TPCN1: variants seen among roughly 807,000 people sequenced by gnomAD.
TPCN1 encodes two pore channel protein 1.
In TPCN1, 52 loss-of-function variants were observed where a neutral mutation model predicts 108.8. That is an observed-to-expected ratio of 0.48 (90% CI 0.38 to 0.60). The LOEUF is 0.60. Among genes scored for constraint, TPCN1 ranks in the 20% least tolerant of loss-of-function variants. The pLI is 0.00. For synonymous variants in TPCN1, 446 were observed against 433.7 expected (o/e 1.03, Z -0.35); for missense variants, 806 against 1,072.8 (o/e 0.75, Z 3.47).
In TPCN1 at chr12:113,272,692, C is replaced by G. The variant is rs762037358; in HGVS notation, c.783C>G (p.Pro261=). 1.9e-6 allele frequency: 3 copies of G among 1,613,442 alleles called. No homozygotes were observed. The East Asian group carries it at 6.7e-5, about 36-fold the overall frequency. Residue 261 remains proline (P), a splice_region_variant and synonymous_variant, in exon 8 of 28, where the codon CCC becomes CCG. Coordinates refer to ENST00000335509, the MANE Select transcript of TPCN1 (RefSeq NM_017901.6). This position sits in a 1 kb window ranked among gnomAD's most constrained non-coding sequence, Gnocchi z 4.1. ...FYLFSPNPSD[P]YFSTLENSIV... ...TGTTCTCCCCTAACCCTTCAGACCC[C>G]GTAAGTAATCAGCACATTTGTCCGT...
In TPCN1 at chr12:113,284,242, G is replaced by C. The variant is rs572728354; in HGVS notation, c.1343-339G>C. Among the ~76,000 whole-genome samples, 1 of 152,278 alleles carries C rather than the reference G, an allele frequency of 6.6e-6. No homozygotes were observed. The highest frequency in any genetic ancestry group is 1.9e-4 in the East Asian group (1 of 5,184). Reference sequence around the variant, plus strand: ...ATTATTTTAAAATTAGAAGTCTCTAGGGGAAAACAAGTGTTTTCAATACTT... The same window carrying C: ...ATTATTTTAAAATTAGAAGTCTCTACGGGAAAACAAGTGTTTTCAATACTT... On this transcript the variant is annotated intron_variant, in intron 15 of 27. Transcript: ENST00000335509. This position sits in a 1 kb window ranked among gnomAD's most constrained non-coding sequence, Gnocchi z 4.1.
Position 113,273,500 on chromosome 12 carries a change from C to A in TPCN1, c.843-69C>A, listed in dbSNP as rs1955573116. 7.3e-7 allele frequency: 1 copy of A among 1,360,962 alleles called. No homozygotes were observed. Among genetic ancestry groups the A allele is most frequent in the Non-Finnish European group, 1.1e-6 (1 of 949,724 alleles). 84.3% of individuals were successfully genotyped at this position (1,360,962 alleles called of 1,614,324 possible). On this transcript the variant is annotated intron_variant, in intron 9 of 27. Transcript: ENST00000335509. This position sits in a 1 kb window ranked among gnomAD's most constrained non-coding sequence, Gnocchi z 4.0. ...AAGGCAGACAAGGAGCTGTCCTCTG[C>A]AAGGCATGTGCTCTGAGAGGATGGA...
rs1180537537 is a variant in TPCN1, at chr12:113,261,428, T to C, written c.237+936T>C. Among the ~76,000 whole-genome samples the C allele has an allele frequency of 4.8e-5, 7 of 144,338 alleles. No individual in the cohort carries two copies. In the East Asian group the frequency reaches 1.2e-3, roughly 24 times the overall value. 94.7% of individuals were successfully genotyped at this position (144,338 alleles called of 152,430 possible). On this transcript the variant is annotated intron_variant, in intron 3 of 27. Transcript: ENST00000335509. ...TAGCATAAGCTTTTTTTTTTTTTTT[T>C]TTTTTCTTTTTTTGGAGACAGTCTC...
intron 27 of TPCN1, among the ~76,000 whole-genome samples, chr12:113,295,364 G>C (rs761825881): frequency 6.7e-6 from 1 of 149,518 alleles, no homozygotes; most frequent in African/African-American, 2.5e-5. Context: ...GATCATTTGA[G>C]CCCAGGAGTG....
At chr12:113,245,980 G>A (rs771974195) in intron 2 of TPCN1, 11 of 456,114 alleles carry the variant, frequency 2.4e-5, no homozygotes, top group South Asian at 1.4e-4. Context: ...TTCCGATGTG[G>A]CGTGCAAAGC....
At chr12:113,252,187 T>C (rs908690015) in intron 2 of TPCN1, among the ~76,000 whole-genome samples, 5 of 152,170 alleles carry the variant, frequency 3.3e-5, no homozygotes, top group African/African-American at 7.2e-5. Flanking sequence ...AGGGACTATC[T>C]CTCACCCAAA....
intron 3 of TPCN1, among the ~76,000 whole-genome samples, chr12:113,263,270 C>T (rs983421228): frequency 1.3e-5 from 2 of 152,058 alleles, no homozygotes. Flanking sequence ...GATGAGATGG[C>T]CTGTTTTTCT....
chr12:113,248,303 G>A (rs1309426491), intron 2 of TPCN1, among the ~76,000 whole-genome samples: 2 of 152,272 alleles, frequency 1.3e-5, no homozygotes, highest in Non-Finnish European at 2.9e-5. Flanking sequence ...GTTCAGACAT[G>A]TTTGCTGACC....
intron 2 of TPCN1, among the ~76,000 whole-genome samples, chr12:113,238,017 C>T (rs1039134123): frequency 6.6e-6 from 1 of 152,208 alleles, no homozygotes; most frequent in Admixed American, 6.5e-5. Context: ...TGCACTGACA[C>T]AGTCCCCTGA....
chr12:113,225,902 C>T (rs1953453398), intron 1 of TPCN1, among the ~76,000 whole-genome samples: 1 of 152,080 alleles, frequency 6.6e-6, no homozygotes, highest in South Asian at 2.1e-4. Flanking sequence ...TTGCCCAAGC[C>T]AGAGTGCAGT....
chr12:113,275,789 G>T (rs1955654560), intron 10 of TPCN1, among the ~76,000 whole-genome samples: 1 of 150,972 alleles, frequency 6.6e-6, no homozygotes, highest in Non-Finnish European at 1.5e-5. Flanking sequence ...TGTTAGCCAG[G>T]ATGGTCTCAA....
chr12:113,285,789 C>A (rs1956054125), intron 17 of TPCN1, 100 bp from the exon 18 acceptor site: 8 of 1,043,680 alleles, frequency 7.7e-6, no homozygotes, highest in Non-Finnish European at 1.2e-5. Flanking sequence ...GGCTTATGGC[C>A]AGCAGGGAGG....
rs1167290088 is a variant in TPCN1 at position 113,273,044 on chromosome 12, G to A, written c.784-188G>A. Among the ~76,000 whole-genome samples the A allele has an allele frequency of 6.6e-6, 1 of 152,252 alleles. No homozygotes were observed. Among genetic ancestry groups the A allele is most frequent in the African/African-American group, 2.4e-5 (1 of 41,472 alleles). On this transcript the variant is annotated intron_variant, in intron 8 of 27. Coordinates refer to ENST00000335509, the MANE Select transcript of TPCN1 (RefSeq NM_017901.6). This position sits in a 1 kb window ranked among gnomAD's most constrained non-coding sequence, Gnocchi z 4.0. ...AGTCAATAGTTTGCTTCTGCCGGAA[G>A]CATCAGGTGCAGGAAAGGGGAGGCC...
In TPCN1 at chr12:113,262,576, A is replaced by G. The variant is rs146237773; in HGVS notation, c.237+2084A>G. 2.0e-3 allele frequency among the ~76,000 whole-genome samples: 300 copies of G among 152,352 alleles called. 2 individuals are homozygous for G. The highest frequency in any genetic ancestry group is 6.4e-3 in the African/African-American group (268 of 41,584). On this transcript the variant is annotated intron_variant, in intron 3 of 27. Coordinates refer to ENST00000335509, the MANE Select transcript of TPCN1 (RefSeq NM_017901.6). ...TAGGGAAATTGTCCCAAGCGCAGGC[A>G]TACTTGTTAATGATCTAGCAGGGAC... is the stretch of plus-strand genomic sequence containing the variant.
Position 113,268,752 on chromosome 12 carries a change from T to A in TPCN1, c.539T>A (p.Leu180Gln). Residue 180 changes from leucine to glutamine, a missense_variant, in exon 6 of 28, where the codon CTG becomes CAG. Leu to Gln is a moderately radical substitution (Grantham distance 113). Transcript: ENST00000335509. This position sits in a 1 kb window ranked among gnomAD's most constrained non-coding sequence, Gnocchi z 7.3. ...HKRTMVKTSV[L>Q]VVQFVEAIVV... ...GCCTGCCACCCACAGACCTCGGTGC[T>A]GGTGGTGCAGTTTGTCGAGGCCATC... 2 of 1,613,646 alleles carry A rather than the reference T, an allele frequency of 1.2e-6. No homozygotes were observed. The highest frequency in any genetic ancestry group is 1.7e-6 in the Non-Finnish European group (2 of 1,179,976).
intron 2 of TPCN1, 94 bp downstream of exon 2, chr12:113,227,058 T>A: frequency 9.5e-7 from 1 of 1,049,778 alleles, no homozygotes; most frequent in Non-Finnish European, 1.4e-6. Flanking sequence ...TAGGGGTGTG[T>A]AACTTGTTGC....
At chr12:113,274,597 TAAAG>T (rs1320471789) in intron 10 of TPCN1, among the ~76,000 whole-genome samples, 2 of 152,178 alleles carry the variant, frequency 1.3e-5, no homozygotes, top group Non-Finnish European at 2.9e-5. Context: ...AACCCACAGA[TAAAG>T]AAGGCCAAGT....
chr12:113,285,621 C>G (rs1349166292), intron 17 of TPCN1, among the ~76,000 whole-genome samples: 2 of 152,232 alleles, frequency 1.3e-5, no homozygotes, highest in African/African-American at 4.8e-5. Flanking sequence ...AGTGGTCCTC[C>G]TCTCTTGGCT....
chr12:113,234,391 G>A (rs918067750), intron 2 of TPCN1, among the ~76,000 whole-genome samples: 5 of 152,210 alleles, frequency 3.3e-5, no homozygotes, highest in Non-Finnish European at 5.9e-5. Flanking sequence ...AGTTTGGAGC[G>A]GGGCATGAGG....
Sources: gnomAD v4.1 joint callset for allele counts (sites outside exome capture counted in the v4.1 genomes callset) on GRCh38, gnomAD v4.1.1 for gene constraint, Gnocchi (gnomAD v3.1) non-coding constraint, MANE v1.5 for transcripts, NCBI Gene and HGNC (gene_info 2026-07-23, HGNC 2026-07-21) for gene names.